The following MYPOP variants were observed in gnomAD, a reference collection of about 807,000 sequenced individuals.
MYPOP encodes the protein Myb related transcription factor, partner of profilin.
Under a neutral mutation model 25.7 loss-of-function variants are expected in MYPOP, and 21 were observed. The ratio of observed to expected loss-of-function variants is 0.82; its 90% CI spans 0.58 to 1.18. The LOEUF (loss-of-function observed/expected upper bound fraction) is 1.18. MYPOP is among the 50% of genes most tolerant of loss of function. The pLI is 0.00. For missense variants in MYPOP, 566 were observed against 588.3 expected, an observed-to-expected ratio of 0.96 and a Z score of 0.39; for synonymous variants, 280 against 247.9, an observed-to-expected ratio of 1.13 and a Z score of -1.22.
chr19:45,893,084 G>A (rs950521133), intron 2 of MYPOP, among the ~76,000 whole-genome samples: 6 of 151,518 alleles, frequency 4.0e-5, no homozygotes, highest in Non-Finnish European at 8.8e-5. Context: ...GACCAGCCTG[G>A]TCAACATGGT....
intron 2 of MYPOP, among the ~76,000 whole-genome samples, chr19:45,898,550 C>T (rs1219902602): frequency 1.3e-5 from 2 of 151,424 alleles, no homozygotes; most frequent in Non-Finnish European, 2.9e-5. Flanking sequence ...CTCGAACTCC[C>T]GACCTCAGGT....
In MYPOP at chr19:45,895,861, G is replaced by A. The variant is rs568959956; in HGVS notation, c.500-4538C>T. Among the ~76,000 whole-genome samples the A allele has an allele frequency of 6.6e-5, 10 of 152,060 alleles. No homozygotes were observed. The South Asian group carries it at 1.7e-3, about 25-fold the overall frequency. ...CACTGCCTCTTGCATCAGCTTGGAT[G>A]TTTTTTTGGATGTTCCTTCCTCGGG... On this transcript the variant is annotated intron_variant, in intron 2 of 2. Coordinates refer to ENST00000322217, the MANE Select transcript of MYPOP (RefSeq NM_001012643.4).
rs897026763 is a variant in MYPOP, at chr19:45,890,441, T to G, written c.*182A>C. The G allele has an allele frequency of 4.8e-5, 45 of 947,084 alleles. No individual in the cohort carries two copies. The highest frequency in any genetic ancestry group is 3.3e-4 in the Middle Eastern group (1 of 2,992). The allele number at this position is 947,084 out of a possible 1,614,324, so 58.7% of individuals were successfully genotyped here. A position where few individuals can be genotyped will look rare whatever the true frequency, so the allele number is the denominator to read the frequency against. On this transcript the variant is annotated 3_prime_UTR_variant, in exon 3 of 3. Coordinates refer to ENST00000322217, the MANE Select transcript of MYPOP (RefSeq NM_001012643.4). ...GACAGCACTGTACCAGAGAAAGGGG[T>G]TGGGGGGGCCCATTACTGAGGCCCC...
Position 45,890,398 on chromosome 19 carries a change from A to T in MYPOP, c.*225T>A. The T allele has an allele frequency of 5.2e-6, 3 of 575,410 alleles. No individual in the cohort carries two copies. The highest frequency in any genetic ancestry group is 8.5e-6 in the Non-Finnish European group (3 of 353,132). 35.6% of individuals were successfully genotyped at this position (575,410 alleles called of 1,614,324 possible). On this transcript the variant is annotated 3_prime_UTR_variant, in exon 3 of 3. Transcript: ENST00000322217. Reference sequence around the variant, plus strand: ...AATTGATGGCTTAGAAGTCAGGGTTAAGGGAGGCAGCCAGGCAGACAGCAC... The same window carrying T: ...AATTGATGGCTTAGAAGTCAGGGTTTAGGGAGGCAGCCAGGCAGACAGCAC...
chr19:45,894,985 G>A (rs1302365648), intron 2 of MYPOP, among the ~76,000 whole-genome samples: 1 of 151,954 alleles, frequency 6.6e-6, no homozygotes, highest in Non-Finnish European at 1.5e-5. Flanking sequence ...CAAAGTGCTG[G>A]GATTACAGGT....
chr19:45,893,776 G>A (rs1167698487), intron 2 of MYPOP, among the ~76,000 whole-genome samples: 2 of 149,342 alleles, frequency 1.3e-5, no homozygotes, highest in East Asian at 2.0e-4. Flanking sequence ...ATTGTACGCT[G>A]TATTTTATTT....
Position 45,890,583 on chromosome 19 carries a change from TG to T in MYPOP, c.*39del, listed in dbSNP as rs752883384. 6.2e-7 allele frequency: 1 copy of T among 1,604,418 alleles called. No homozygotes were observed. The highest frequency in any genetic ancestry group is 8.5e-7 in the Non-Finnish European group (1 of 1,174,692). On this transcript the variant is annotated 3_prime_UTR_variant, in exon 3 of 3. Coordinates refer to ENST00000322217, the MANE Select transcript of MYPOP (RefSeq NM_001012643.4). ...ATCGCCCCCCTCGACTGCGCCAAGCTGGGGAGAGGGGTTGCAGGCAGGATCA... is the reference window on the plus strand; with the variant it reads ...ATCGCCCCCCTCGACTGCGCCAAGCTGGGAGAGGGGTTGCAGGCAGGATCA...
chr19:45,899,433 G>A (rs1470666306), intron 2 of MYPOP, among the ~76,000 whole-genome samples: 1 of 152,180 alleles, frequency 6.6e-6, no homozygotes. Context: ...GTCCTATGGG[G>A]CCATCTCACA....
intron 2 of MYPOP, among the ~76,000 whole-genome samples, chr19:45,895,493 C>T (rs530926424): frequency 6.6e-6 from 1 of 151,964 alleles, no homozygotes; most frequent in African/African-American, 2.4e-5. Flanking sequence ...TTTTTTTCTC[C>T]CCTAACCCTA....
At chr19:45,891,914 T>A (rs1967132106) in intron 2 of MYPOP, among the ~76,000 whole-genome samples, 1 of 151,942 alleles carries the variant, frequency 6.6e-6, no homozygotes. Context: ...AGCCAACAGT[T>A]TTTTTATTTT....
In MYPOP at chr19:45,890,420, G is replaced by A; in HGVS notation, c.*203C>T. ...GTTAAGGGAGGCAGCCAGGCAGACA[G>A]CACTGTACCAGAGAAAGGGGTTGGG... On this transcript the variant is annotated 3_prime_UTR_variant, in exon 3 of 3. Coordinates refer to ENST00000322217, the MANE Select transcript of MYPOP (RefSeq NM_001012643.4). The A allele has an allele frequency of 1.4e-6, 1 of 719,742 alleles. No homozygotes were observed. The highest frequency in any genetic ancestry group is 2.2e-5 in the South Asian group (1 of 45,864). 44.6% of individuals were successfully genotyped at this position (719,742 alleles called of 1,614,324 possible). A position where few individuals can be genotyped will look rare whatever the true frequency, so the allele number is the denominator to read the frequency against.
intron 2 of MYPOP, among the ~76,000 whole-genome samples, chr19:45,897,315 G>A (rs935595358): frequency 7.3e-5 from 11 of 151,682 alleles, no homozygotes; most frequent in Admixed American, 3.3e-4. Context: ...CGTGTACCTC[G>A]GCCTCCCAGA....
chr19:45,902,319 GC>G (rs1967313544), intron 1 of MYPOP, among the ~76,000 whole-genome samples: 2 of 151,820 alleles, frequency 1.3e-5, no homozygotes, highest in Non-Finnish European at 2.9e-5. Context: ...TATGAGAAGG[GC>G]CCTTAGAGGG....
intron 2 of MYPOP, among the ~76,000 whole-genome samples, chr19:45,894,147 C>G (rs1967168048): frequency 6.6e-6 from 1 of 151,728 alleles, no homozygotes; most frequent in Non-Finnish European, 1.5e-5. Context: ...GAGTCTCGCT[C>G]TGTCGCCCAG....
At chr19:45,896,495 G>A (rs1196653849) in intron 2 of MYPOP, among the ~76,000 whole-genome samples, 1 of 152,192 alleles carries the variant, frequency 6.6e-6, no homozygotes, top group Non-Finnish European at 1.5e-5. Flanking sequence ...CCATTCTCTG[G>A]GGTAGGTGCT....
At position 45,901,461 on chromosome 19, in the gene MYPOP, C is replaced by T. The variant is rs758606453; in HGVS notation, c.313G>A (p.Ala105Thr). The T allele has an allele frequency of 6.3e-7, 1 of 1,598,348 alleles. No individual in the cohort carries two copies. Among genetic ancestry groups the T allele is most frequent in the Non-Finnish European group, 8.5e-7 (1 of 1,172,844 alleles). Residue 105 changes from alanine to threonine, a missense_variant, in exon 2 of 3, where the codon GCG becomes ACG. Physicochemically the swap from Ala to Thr is moderately conservative, Grantham distance 58. Transcript: ENST00000322217. This position sits in a 1 kb window ranked among gnomAD's most constrained non-coding sequence, Gnocchi z 5.7. ...PHSTQGAGPA[A>T]EDAFSAEEET... The stretch of plus-strand genomic sequence containing the variant: ...TCTTCCGCGGAGAAAGCGTCCTCCG[C>T]GGCGGGCCCGGCGCCCTGCGTGGAG...
chr19:45,891,154 T>TG lies in MYPOP; in HGVS notation c.668dup (p.Ala224SerfsTer19). ...GCGGTGGGGGTGGCAGTGGAGGGGC[T>TG]GGGGGTGGTGGAGACAAGGCCAGGC... On this transcript the variant is annotated frameshift_variant, in exon 3 of 3. Coordinates refer to ENST00000322217, the MANE Select transcript of MYPOP (RefSeq NM_001012643.4). LOFTEE classifies it high-confidence loss of function. 1 of 743,586 alleles carries TG rather than the reference T, an allele frequency of 1.3e-6. No homozygotes were observed. The highest frequency in any genetic ancestry group is 1.7e-6 in the Non-Finnish European group (1 of 598,276). 46.1% of individuals were successfully genotyped at this position (743,586 alleles called of 1,614,324 possible). A position where few individuals can be genotyped will look rare whatever the true frequency, so the allele number is the denominator to read the frequency against.
In MYPOP at chr19:45,890,705, A is replaced by T; in HGVS notation, c.1118T>A (p.Leu373His). 8.6e-6 allele frequency: 5 copies of T among 578,378 alleles called. No homozygotes were observed. The highest frequency in any genetic ancestry group is 1.3e-5 in the Non-Finnish European group (5 of 381,230). 35.8% of individuals were successfully genotyped at this position (578,378 alleles called of 1,614,324 possible). ...GTGTGGGGGGGAGTCGTGCGGAGGG[A>T]GCGGGGCTGGGGGGGGCCGGGGTGC... ...EGAPRPPPAP[L>H]PPHDSPPHKR... is the part of the protein sequence containing the mutation. Residue 373 changes from leucine to histidine, a missense_variant, in exon 3 of 3, where the codon CTC becomes CAC. Transcript: ENST00000322217.
At chr19:45,892,720 G>A (rs10403030) in intron 2 of MYPOP, among the ~76,000 whole-genome samples, 30,429 of 151,854 alleles carry the variant, frequency 0.2, 3,570 homozygotes, top group Non-Finnish European at 0.23. Flanking sequence ...AGAAGCTATC[G>A]TCTCTGCCTT....
Sources: gnomAD v4.1 joint callset for allele counts (sites outside exome capture counted in the v4.1 genomes callset) on GRCh38, gnomAD v4.1.1 for gene constraint, Gnocchi (gnomAD v3.1) non-coding constraint, MANE v1.5 for transcripts, NCBI Gene and HGNC (gene_info 2026-07-23, HGNC 2026-07-21) for gene names.